Variants in INTS7 observed in about 807,000 individuals in gnomAD.
INTS7 encodes integrator complex subunit 7, also known as chromosome 1 open reading frame 73.
A neutral mutation model predicts 109.2 loss-of-function variants in INTS7; 46 were observed. That is an observed-to-expected ratio of 0.42 (90% CI 0.33 to 0.54). The LOEUF (loss-of-function observed/expected upper bound fraction) is 0.54. INTS7 is among the 20% of genes least tolerant of loss of function. The pLI is 0.07. For missense variants in INTS7, 929 were observed against 1,132.4 expected (o/e 0.82, Z 2.58); for synonymous variants, 412 against 402.9 (o/e 1.02, Z -0.27).
chr1:211,949,847 T>C (rs1403348312), intron 17 of INTS7, among the ~76,000 whole-genome samples: 3 of 152,198 alleles, frequency 2.0e-5, no homozygotes, highest in East Asian at 1.9e-4. Flanking sequence ...GTATGTTACA[T>C]TGAAGTAATA....
rs745906116 is a variant in INTS7 at position 212,007,362 on chromosome 1, C to A, written c.644G>T (p.Arg215Leu). 7.4e-6 allele frequency: 12 copies of A among 1,613,588 alleles called. No homozygotes were observed. The highest frequency in any genetic ancestry group is 1.7e-5 in the Admixed American group (1 of 59,966). ...TGTGACCAGCTGTTGTAAAAGCTGA[C>A]GAGCACTGGAAGCCAAGATTGCATC... Reference protein sequence around the residue: ...HHDAILASSARQLLQQLVTSY... With the variant: ...HHDAILASSALQLLQQLVTSY... The change falls in exon 6 of 20, where the codon CGT becomes CTT. Residue 215 changes from arginine to leucine, a missense_variant. By Grantham distance (102) the Arg-to-Leu change is moderately radical. Transcript: ENST00000366994.
chr1:212,015,052 G>A (rs1666352403), intron 4 of INTS7, among the ~76,000 whole-genome samples: 2 of 151,846 alleles, frequency 1.3e-5, no homozygotes, highest in African/African-American at 4.8e-5. Context: ...GAGGTGAGGA[G>A]CGCCTCCGCC....
At chr1:212,033,213 T>C (rs888833777) in intron 1 of INTS7, among the ~76,000 whole-genome samples, 3 of 152,232 alleles carry the variant, frequency 2.0e-5, no homozygotes, top group African/African-American at 4.8e-5. Context: ...AGTTGGAACT[T>C]GTAGCCTTCT....
At chr1:211,966,587 A>G in intron 15 of INTS7, 89 bp from the exon 16 acceptor site, 1 of 777,592 alleles carries the variant, frequency 1.3e-6, no homozygotes, top group South Asian at 1.6e-5. Flanking sequence ...TCAAGATTTA[A>G]TGATTGCCTA....
At chr1:212,018,369 G>C (rs1284009623) in intron 3 of INTS7, among the ~76,000 whole-genome samples, 1 of 152,000 alleles carries the variant, frequency 6.6e-6, no homozygotes, top group African/African-American at 2.4e-5. Context: ...ATGACTTAGA[G>C]AAGGGCAAGC....
intron 8 of INTS7, among the ~76,000 whole-genome samples, chr1:211,983,623 T>C (rs1054350799): frequency 2.0e-5 from 3 of 152,278 alleles, no homozygotes; most frequent in African/African-American, 7.2e-5. Flanking sequence ...CTGTCTTCTT[T>C]TCCTCTGCTT....
At chr1:211,976,540 A>G (rs1182705954) in intron 12 of INTS7, 42 bp downstream of exon 12, 6 of 1,566,116 alleles carry the variant, frequency 3.8e-6, no homozygotes, top group Non-Finnish European at 5.2e-6. Context: ...ACATGATCTG[A>G]CATTTCCAGC....
At chr1:211,974,599 G>A (rs1422006974) in intron 13 of INTS7, among the ~76,000 whole-genome samples, 2 of 151,968 alleles carry the variant, frequency 1.3e-5, no homozygotes, top group African/African-American at 2.4e-5. Flanking sequence ...TGATTTTAGG[G>A]AATAGGTTCC....
chr1:211,965,207 C>T (rs1299447100), intron 16 of INTS7, among the ~76,000 whole-genome samples: 7 of 151,672 alleles, frequency 4.6e-5, no homozygotes, highest in Non-Finnish European at 8.8e-5. Flanking sequence ...AACTCAACAT[C>T]GCTGATCATT....
intron 4 of INTS7, chr1:212,011,631 G>A (rs1219435823): frequency 1.9e-6 from 1 of 512,826 alleles, no homozygotes; most frequent in Non-Finnish European, 3.5e-6. Flanking sequence ...TGCCAACACT[G>A]CTCTAAAGCA....
chr1:212,035,487 C>A lies in INTS7; in HGVS notation c.-50G>T. 7.4e-7 allele frequency: 1 copy of A among 1,346,832 alleles called. No homozygotes were observed. Among genetic ancestry groups the A allele is most frequent in the Non-Finnish European group, 1.1e-6 (1 of 936,982 alleles). The allele number at this position is 1,346,832 out of a possible 1,614,324, so 83.4% of individuals were successfully genotyped here. Reference sequence around the variant, plus strand: ...CTAGTCAGAAAGCTTGCAAACTCTACCCCAGGACCGCCATCTTCCCCCGCC... The same window carrying A: ...CTAGTCAGAAAGCTTGCAAACTCTAACCCAGGACCGCCATCTTCCCCCGCC... On this transcript the variant is annotated 5_prime_UTR_variant, in exon 1 of 20. Transcript: ENST00000366994.
intron 1 of INTS7, among the ~76,000 whole-genome samples, chr1:212,033,913 T>C (rs1489704587): frequency 1.3e-5 from 2 of 151,880 alleles, no homozygotes; most frequent in African/African-American, 4.8e-5. Flanking sequence ...TGAAACCCCG[T>C]CTATACTAAA....
chr1:212,011,062 CCAA>C (rs1027892982), intron 5 of INTS7, among the ~76,000 whole-genome samples: 1 of 152,138 alleles, frequency 6.6e-6, no homozygotes, highest in Non-Finnish European at 1.5e-5. Flanking sequence ...TCTCAACCCA[CCAA>C]CGACTTACTT....
chr1:212,017,402 C>G (rs1037914981), intron 3 of INTS7, among the ~76,000 whole-genome samples: 1 of 152,158 alleles, frequency 6.6e-6, no homozygotes, highest in East Asian at 1.9e-4. Context: ...TGCTGTTAAG[C>G]AGATACACAA....
intron 16 of INTS7, among the ~76,000 whole-genome samples, chr1:211,956,583 C>T (rs546629897): frequency 2.0e-5 from 3 of 152,238 alleles, no homozygotes; most frequent in African/African-American, 7.2e-5. Flanking sequence ...TGTAATGATG[C>T]CACTATTTTA....
intron 7 of INTS7, among the ~76,000 whole-genome samples, chr1:212,002,551 C>G (rs1310215806): frequency 6.6e-6 from 1 of 152,224 alleles, no homozygotes; most frequent in Admixed American, 6.5e-5. Context: ...ACTGACCTCA[C>G]ACTCATGAAT....
chr1:212,024,956 C>A (rs1262885402), intron 1 of INTS7, among the ~76,000 whole-genome samples: 1 of 152,178 alleles, frequency 6.6e-6, no homozygotes, highest in African/African-American at 2.4e-5. Flanking sequence ...TTCACAGAGG[C>A]CTGTTTCCAT....
chr1:212,006,310 T>C (rs981408298), intron 7 of INTS7, among the ~76,000 whole-genome samples: 1 of 151,944 alleles, frequency 6.6e-6, no homozygotes, highest in Non-Finnish European at 1.5e-5. Flanking sequence ...CCTAAATTTT[T>C]CTCCCCAAAT....
At chr1:211,995,688 C>T (rs566949143) in intron 7 of INTS7, among the ~76,000 whole-genome samples, 5 of 152,160 alleles carry the variant, frequency 3.3e-5, no homozygotes, top group Non-Finnish European at 7.3e-5. Flanking sequence ...AATTCCTATG[C>T]TGAAATCCTA....
Sources: allele counts gnomAD v4.1 joint callset (sites outside exome capture counted in the v4.1 genomes callset), GRCh38; gene constraint gnomAD v4.1.1; transcripts MANE v1.5; gene names NCBI Gene and HGNC (gene_info 2026-07-23, HGNC 2026-07-21).